Variants in DNASE1 observed in about 807,000 individuals in gnomAD.
DNASE1 encodes the protein deoxyribonuclease 1.
A neutral mutation model predicts 33.9 loss-of-function variants in DNASE1; 40 were observed. That is an observed-to-expected ratio of 1.18 (90% CI 0.92 to 1.54). DNASE1 has a LOEUF of 1.54. Among genes scored for constraint, DNASE1 ranks in the 40% most tolerant of loss-of-function variants. DNASE1 has a pLI of 0.00. For synonymous variants in DNASE1, 216 were observed against 160.0 expected (o/e 1.35, Z -2.64); for missense variants, 518 against 372.6 (o/e 1.39, Z -3.21).
intron 1 of DNASE1, among the ~76,000 whole-genome samples, chr16:3,623,979 C>A (rs567790191): frequency 1.3e-5 from 2 of 151,908 alleles, no homozygotes. Flanking sequence ...TTACTATAAC[C>A]TCTATATAGA....
intron 1 of DNASE1, among the ~76,000 whole-genome samples, chr16:3,621,325 G>A (rs1357334985): frequency 1.3e-5 from 2 of 152,112 alleles, no homozygotes; most frequent in Non-Finnish European, 2.9e-5. Context: ...AGCCTCTGGT[G>A]ATCCTCCTGC....
chr16:3,621,485 C>G (rs1187469053), intron 1 of DNASE1, among the ~76,000 whole-genome samples: 2 of 152,168 alleles, frequency 1.3e-5, no homozygotes, highest in African/African-American at 4.8e-5. Flanking sequence ...CCCCTGACCT[C>G]CAAACTCCCT....
At chr16:3,644,767 G>T (rs1040656991) in intron 1 of DNASE1, among the ~76,000 whole-genome samples, 1 of 151,602 alleles carries the variant, frequency 6.6e-6, no homozygotes, top group Non-Finnish European at 1.5e-5. Flanking sequence ...AATCCAGTAG[G>T]TGTATTTACC....
At chr16:3,659,774 TAGATAGA>T (rs2042963610), downstream of DNASE1, 1 of 148,914 alleles carries the variant, frequency 6.7e-6, no homozygotes, top group South Asian at 2.1e-4. Context: ...GATAGATAGA[TAGATAGA>T]CTCTCACTCC....
At chr16:3,656,549 C>T (rs1414949323) in intron 4 of DNASE1, 89 bp from the exon 5 acceptor site, 18 of 1,113,240 alleles carry the variant, frequency 1.6e-5, no homozygotes, top group Admixed American at 4.0e-5. Context: ...GCCCTCCTGT[C>T]GCCTGGGACG....
chr16:3,656,109 C>G lies in DNASE1; in HGVS notation c.244C>G (p.Pro82Ala). 1 of 1,614,106 alleles carries G rather than the reference C, an allele frequency of 6.2e-7. No homozygotes were observed. The highest frequency in any genetic ancestry group is 1.1e-5 in the South Asian group (1 of 91,080). Residue 82 changes from proline to alanine, a missense_variant, in exon 4 of 9, where the codon CCA becomes GCA. Pro to Ala is a conservative substitution (Grantham distance 27). Transcript: ENST00000246949. ...KLLDNLNQDA[P>A]DTYHYVVSEP... ...TTTGTTTCTTCAATCCAGGGATGCA[C>G]CAGACACCTATCACTACGTGGTCAG...
intron 1 of DNASE1, among the ~76,000 whole-genome samples, chr16:3,616,510 A>G (rs2041108743): frequency 7.8e-6 from 1 of 127,394 alleles, no homozygotes; most frequent in African/African-American, 3.1e-5. Context: ...AATCCCAGCT[A>G]CTTGGAAGGC....
intron 1 of DNASE1, among the ~76,000 whole-genome samples, chr16:3,615,211 C>G (rs904328989): frequency 2.3e-4 from 35 of 152,240 alleles, no homozygotes; most frequent in Admixed American, 6.5e-4. Context: ...ACCAACTGAA[C>G]AAACACTGTA....
chr16:3,638,769 A>C (rs750025066), upstream of DNASE1, among the ~76,000 whole-genome samples: 50 of 152,352 alleles, frequency 3.3e-4, no homozygotes, highest in Non-Finnish European at 6.5e-4. Flanking sequence ...AATTATGTGC[A>C]CATTAGACAG....
intron 1 of DNASE1, among the ~76,000 whole-genome samples, chr16:3,632,241 G>A (rs796275697): frequency 3.3e-5 from 5 of 152,276 alleles, no homozygotes; most frequent in African/African-American, 1.2e-4. Flanking sequence ...TTGCTTGATG[G>A]TGCTGTTGAG....
rs138676148 is a variant in DNASE1, at chr16:3,656,732, A to G, written c.415A>G (p.Arg139Gly). 4 of 1,611,082 alleles carry G rather than the reference A, an allele frequency of 2.5e-6. No homozygotes were observed. In the African/African-American group the frequency reaches 5.4e-5, roughly 22 times the overall value. The change falls in exon 5 of 9, where the codon AGG becomes GGG. Residue 139 changes from arginine to glycine, a missense_variant. Physicochemically the swap from Arg to Gly is moderately radical, Grantham distance 125 (BLOSUM62 -2). Coordinates refer to ENST00000246949, the MANE Select transcript of DNASE1 (RefSeq NM_005223.4). Reference sequence around the variant, plus strand: ...CTTCAACCGAGAGCCAGCCATTGTCAGGTTCTTCTCCCGGTTCACAGGTGG... The same window carrying G: ...CTTCAACCGAGAGCCAGCCATTGTCGGGTTCTTCTCCCGGTTCACAGGTGG... ...DTFNREPAIV[R>G]FFSRFTEVRE... is the part of the protein sequence containing the mutation.
chr16:3,663,274 A>C, exon 10 of DNASE1: 1 of 1,018,356 alleles, frequency 9.8e-7, no homozygotes, highest in Non-Finnish European at 1.4e-6. Flanking sequence ...ACCTTCCTCC[A>C]GTCACCAGGG....
At chr16:3,634,977 C>T (rs1380616035) in intron 1 of DNASE1, among the ~76,000 whole-genome samples, 1 of 151,950 alleles carries the variant, frequency 6.6e-6, no homozygotes, top group African/African-American at 2.4e-5. Context: ...ACCTGGTGGT[C>T]CTTAAGGAGG....
intron 1 of DNASE1, among the ~76,000 whole-genome samples, chr16:3,627,241 A>G (rs996359008): frequency 2.7e-5 from 4 of 150,654 alleles, no homozygotes; most frequent in Admixed American, 2.0e-4. Flanking sequence ...TAGCCAGTCC[A>G]GCTGTCTTTT....
At chr16:3,654,434 G>A (rs1466947332), upstream of DNASE1, 4 of 398,606 alleles carry the variant, frequency 1.0e-5, no homozygotes, top group Non-Finnish European at 1.8e-5. Flanking sequence ...CCACAGAGCA[G>A]TCATGGCTGT....
chr16:3,648,981 C>G (rs1170353392), intron 1 of DNASE1, among the ~76,000 whole-genome samples: 1 of 152,156 alleles, frequency 6.6e-6, no homozygotes, highest in African/African-American at 2.4e-5. Context: ...TTGCCATCTA[C>G]GATTTCCCAG....
At chr16:3,655,724 C>T in intron 2 of DNASE1, 125 bp from the exon 3 acceptor site, 1 of 1,420,360 alleles carries the variant, frequency 7.0e-7, no homozygotes, top group Non-Finnish European at 9.8e-7. Context: ...GGAGCCCAGG[C>T]AGAAACATGA....
intron 7 of DNASE1, 135 bp downstream of exon 7, chr16:3,657,476 C>CAGAAT: frequency 7.5e-7 from 1 of 1,333,802 alleles, no homozygotes; most frequent in South Asian, 1.4e-5. Context: ...CTACAGGGAA[C>CAGAAT]AGAATAACAA....
chr16:3,641,018 A>G (rs867641291), upstream of DNASE1: 2 of 398,266 alleles, frequency 5.0e-6, no homozygotes, highest in Non-Finnish European at 8.8e-6. Flanking sequence ...GTCACTCTGG[A>G]TTTGGGTGGA....
Sources: allele counts gnomAD v4.1 joint callset (sites outside exome capture counted in the v4.1 genomes callset), GRCh38; gene constraint gnomAD v4.1.1; transcripts MANE v1.5; gene names NCBI Gene and HGNC (gene_info 2026-07-23, HGNC 2026-07-21).